NAV2: variants seen among roughly 807,000 people sequenced by gnomAD.
NAV2 encodes the protein helicase, APC down-regulated 1.
NAV2 carries 54 observed loss-of-function variants against 223.2 expected under a neutral mutation model. The observed-to-expected ratio is 0.24, with a 90% CI of 0.19 to 0.30. NAV2 has a LOEUF of 0.30. Ranked by LOEUF, NAV2 falls within the 10% of genes least tolerant of loss-of-function variation. NAV2 has a pLI of 1.00. For synonymous variants in NAV2, 1,279 were observed against 1,239.3 expected (o/e 1.03, Z -0.67); for missense variants, 2,806 against 3,147.5 (o/e 0.89, Z 2.60).
At chr11:19,417,008 G>A (rs1386019371) in intron 1 of NAV2, among the ~76,000 whole-genome samples, 15 of 152,162 alleles carry the variant, frequency 9.9e-5, no homozygotes, top group South Asian at 2.1e-4. Flanking sequence ...AGAAAACCTA[G>A]GCAATACCAT....
intron 1 of NAV2, among the ~76,000 whole-genome samples, chr11:19,451,067 A>C (rs2078840735): frequency 6.6e-6 from 1 of 152,160 alleles, no homozygotes; most frequent in African/African-American, 2.4e-5. Flanking sequence ...TTACCTTCCC[A>C]TAATATACTG....
chr11:19,443,734 A>G (rs1851484655), intron 1 of NAV2, among the ~76,000 whole-genome samples: 1 of 152,198 alleles, frequency 6.6e-6, no homozygotes, highest in Non-Finnish European at 1.5e-5. Flanking sequence ...CTGCCCCTTG[A>G]TAGGTGTGTG....
chr11:20,094,512 A>G (rs1445542646), intron 29 of NAV2, among the ~76,000 whole-genome samples: 1 of 152,048 alleles, frequency 6.6e-6, no homozygotes, highest in East Asian at 1.9e-4. Context: ...ATAGGCGTGA[A>G]CCACCACAGC....
chr11:19,370,435 C>A (rs988018647), intron 1 of NAV2, among the ~76,000 whole-genome samples: 1 of 152,204 alleles, frequency 6.6e-6, no homozygotes, highest in Non-Finnish European at 1.5e-5. Context: ...AGCTATTGTG[C>A]AGGTGAGAGT....
chr11:19,963,440 A>G (rs2048506806), intron 10 of NAV2, among the ~76,000 whole-genome samples: 1 of 152,210 alleles, frequency 6.6e-6, no homozygotes. Context: ...ATATCCGAAT[A>G]TATGGAAGGC....
At chr11:19,588,064 G>C (rs2045952761) in intron 1 of NAV2, among the ~76,000 whole-genome samples, 1 of 152,208 alleles carries the variant, frequency 6.6e-6, no homozygotes, top group African/African-American at 2.4e-5. Flanking sequence ...GTAAATGTTT[G>C]TGAAAGAAAT....
intron 1 of NAV2, among the ~76,000 whole-genome samples, chr11:19,477,513 G>A (rs2702721): frequency 0.54 from 82,263 of 151,934 alleles, 22,249 homozygotes; most frequent in Admixed American, 0.58. Flanking sequence ...GCATTCAGAC[G>A]GAACTGGGTC....
At chr11:19,449,592 GA>G (rs1417716343) in intron 1 of NAV2, among the ~76,000 whole-genome samples, 2 of 123,698 alleles carry the variant, frequency 1.6e-5, no homozygotes, top group Non-Finnish European at 3.2e-5. Context: ...GAGAGCAAGG[GA>G]AGAATTCAGG....
rs79039837 is a variant in NAV2 at position 20,118,119 on chromosome 11, C to T, written c.7165-14C>T. 8,982 of 1,608,144 alleles carry T rather than the reference C, an allele frequency of 5.6e-3. 617 individuals carry two copies. In the East Asian group the frequency reaches 0.15, roughly 28 times the overall value. ...AGACAGAAAGCAGCTCATGCTTCTC[C>T]ACTCTTCCCCTAGATGAACATGCTG... On this transcript the variant is annotated splice_polypyrimidine_tract_variant and intron_variant, in intron 37 of 37. Coordinates refer to ENST00000349880, the MANE Select transcript of NAV2 (RefSeq NM_145117.5).
chr11:19,669,710 AAGAGGG>A (rs1264160450), intron 1 of NAV2, among the ~76,000 whole-genome samples: 2 of 152,226 alleles, frequency 1.3e-5, no homozygotes, highest in Non-Finnish European at 2.9e-5. Flanking sequence ...TGAGCTTGGT[AAGAGGG>A]TCCTATCCAG....
chr11:19,533,495 G>A (rs538741033), intron 1 of NAV2, among the ~76,000 whole-genome samples: 36 of 152,174 alleles, frequency 2.4e-4, no homozygotes, highest in African/African-American at 8.4e-4. Context: ...CATGTCCTGG[G>A]CATGTGTGTT....
At chr11:19,879,496 G>A (rs1193599730) in intron 4 of NAV2, among the ~76,000 whole-genome samples, 3 of 152,060 alleles carry the variant, frequency 2.0e-5, no homozygotes, top group Non-Finnish European at 4.4e-5. Context: ...CATGGACTTG[G>A]CAGAAGCCAA....
At chr11:19,919,429 G>C (rs1238410600) in intron 6 of NAV2, among the ~76,000 whole-genome samples, 2 of 152,136 alleles carry the variant, frequency 1.3e-5, no homozygotes, top group African/African-American at 2.4e-5. Flanking sequence ...AGTGAGAACT[G>C]TGTGTTTACT....
At chr11:19,938,500 G>T (rs1373666569) in intron 7 of NAV2, among the ~76,000 whole-genome samples, 1 of 152,200 alleles carries the variant, frequency 6.6e-6, no homozygotes, top group Non-Finnish European at 1.5e-5. Flanking sequence ...TTTACTGGAC[G>T]AAGGCAGAAA....
At chr11:19,956,952 G>A (rs2047935906) in intron 10 of NAV2, among the ~76,000 whole-genome samples, 1 of 152,066 alleles carries the variant, frequency 6.6e-6, no homozygotes, top group Non-Finnish European at 1.5e-5. Flanking sequence ...ATAAGCCCAG[G>A]TATGTTTGAA....
intron 1 of NAV2, among the ~76,000 whole-genome samples, chr11:19,554,745 T>A (rs571490590): frequency 4.6e-4 from 70 of 152,228 alleles, no homozygotes; most frequent in African/African-American, 1.5e-3. Flanking sequence ...GGCGGGCAGA[T>A]CACCTGAGGT....
chr11:19,986,358 G>A (rs187395520), intron 11 of NAV2, among the ~76,000 whole-genome samples: 11 of 152,296 alleles, frequency 7.2e-5, no homozygotes, highest in East Asian at 1.9e-4. Context: ...GGTGGCTCAC[G>A]CCTGTAATCT....
At chr11:19,515,466 C>G (rs2043416695) in intron 1 of NAV2, among the ~76,000 whole-genome samples, 1 of 152,128 alleles carries the variant, frequency 6.6e-6, no homozygotes, top group Admixed American at 6.5e-5. Context: ...AAATCATGAA[C>G]ACAATTTTTT....
At chr11:19,728,194 A>C (rs1056970728) in intron 1 of NAV2, among the ~76,000 whole-genome samples, 4 of 152,234 alleles carry the variant, frequency 2.6e-5, no homozygotes, top group Admixed American at 2.6e-4. Context: ...TCACCATAGC[A>C]TATGAGACAG....
Sources: gnomAD v4.1 joint callset for allele counts (sites outside exome capture counted in the v4.1 genomes callset) on GRCh38, gnomAD v4.1.1 for gene constraint, MANE v1.5 for transcripts, NCBI Gene and HGNC (gene_info 2026-07-23, HGNC 2026-07-21) for gene names.